The following SATL1 variants were observed in gnomAD, a reference collection of about 807,000 sequenced individuals.
SATL1 encodes spermidine/spermine N1-acetyl transferase like 1, also known as spermidine/spermine N(1)-acetyltransferase-like protein 1.
SATL1 carries 47 observed loss-of-function variants against 51.8 expected under a neutral mutation model. The observed-to-expected ratio is 0.91, with a 90% CI of 0.72 to 1.16. SATL1 has a LOEUF of 1.16. Ranked by LOEUF, SATL1 falls within the 50% of genes most tolerant of loss-of-function variation. The pLI is 0.00. For missense variants in SATL1, 520 were observed against 526.4 expected, an observed-to-expected ratio of 0.99 and a Z score of 0.12; for synonymous variants, 176 against 182.4, an observed-to-expected ratio of 0.97 and a Z score of 0.28.
chrX:85,148,877 G>A (rs765726334), intron 2 of SATL1, among the ~76,000 whole-genome samples: 48 of 110,890 alleles, frequency 4.3e-4, no homozygotes, highest in Non-Finnish European at 8.1e-4. Flanking sequence ...AATTGTAAAG[G>A]CCATCGAGAC....
intron 2 of SATL1, among the ~76,000 whole-genome samples, chrX:85,118,803 T>C (rs1431385802): frequency 2.7e-5 from 3 of 111,470 alleles, no homozygotes; most frequent in African/African-American, 9.8e-5. Context: ...GTAATACATA[T>C]GTTAATTAGC....
At chrX:85,096,739 T>C (rs189110439) in intron 4 of SATL1, among the ~76,000 whole-genome samples, 61 of 110,506 alleles carry the variant, frequency 5.5e-4, no homozygotes, top group African/African-American at 1.7e-3. Context: ...TGGATTGATA[T>C]TTAAAGTCTG....
chrX:85,092,614 G>A (rs1026868285), intron 7 of SATL1, 53 bp from the exon 8 acceptor site: 28 of 1,058,083 alleles, frequency 2.6e-5, no homozygotes, highest in Middle Eastern at 2.9e-4. Flanking sequence ...TATAATCTTC[G>A]TTAACACATA....
intron 1 of SATL1, among the ~76,000 whole-genome samples, chrX:85,228,685 T>C (rs767261041): frequency 8.9e-6 from 1 of 111,955 alleles, no homozygotes; most frequent in South Asian, 3.7e-4. Context: ...GTACATTCCA[T>C]GCAACTGGTC....
At chrX:85,166,941 A>G (rs78794520) in intron 2 of SATL1, among the ~76,000 whole-genome samples, 951 of 77,505 alleles carry the variant, frequency 0.012, 19 homozygotes, top group African/African-American at 0.037. Context: ...ATATATGTGT[A>G]TGTGTGTGTG....
At chrX:85,112,235 C>T (rs764804091) in intron 2 of SATL1, among the ~76,000 whole-genome samples, 1 of 110,567 alleles carries the variant, frequency 9.0e-6, no homozygotes, top group Non-Finnish European at 1.9e-5. Flanking sequence ...GCCTGTAATC[C>T]CAGCTACTCA....
intron 4 of SATL1, among the ~76,000 whole-genome samples, chrX:85,100,284 T>A (rs1478279587): frequency 8.9e-6 from 1 of 112,373 alleles, no homozygotes; most frequent in Admixed American, 9.4e-5. Context: ...CACAATTCTA[T>A]ATAGAGAAAA....
intron 2 of SATL1, among the ~76,000 whole-genome samples, chrX:85,204,758 G>A (rs1376592080): frequency 9.0e-6 from 1 of 111,524 alleles, no homozygotes; most frequent in African/African-American, 3.3e-5. Context: ...CTATTCATTC[G>A]CCAGATCTTA....
Position 85,109,265 on chromosome X carries a change from G to A in SATL1, c.-297C>T, listed in dbSNP as rs752138637. On this transcript the variant is annotated 5_prime_UTR_variant, in exon 3 of 8. Transcript: ENST00000644105. ...TGCAAGCTTGGCTGAGTTTCAGGTT[G>A]TCATCTGGCCTTTCCCTGCCAAAAG... The A allele has an allele frequency of 8.6e-6, 3 of 350,598 alleles. No individual in the cohort carries two copies. Among genetic ancestry groups the A allele is most frequent in the Non-Finnish European group, 1.5e-5 (3 of 202,068 alleles). 28.9% of individuals were successfully genotyped at this position (350,598 alleles called of 1,213,427 possible). A position where few individuals can be genotyped will look rare whatever the true frequency, so the allele number is the denominator to read the frequency against.
chrX:85,220,408 G>C (rs1286593982), intron 2 of SATL1, among the ~76,000 whole-genome samples: 7 of 108,631 alleles, frequency 6.4e-5, no homozygotes, highest in Non-Finnish European at 1.1e-4. Flanking sequence ...GACCTGCTGA[G>C]ACATCAGTGG....
At chrX:85,236,975 C>T (rs769508409) in intron 1 of SATL1, among the ~76,000 whole-genome samples, 43 of 111,072 alleles carry the variant, frequency 3.9e-4, no homozygotes, top group Non-Finnish European at 6.3e-4. Context: ...TTACGGGATA[C>T]GAAATCAGTA....
At chrX:85,230,687 C>T (rs1246026763) in intron 1 of SATL1, among the ~76,000 whole-genome samples, 5 of 112,003 alleles carry the variant, frequency 4.5e-5, no homozygotes, top group African/African-American at 1.6e-4. Context: ...ATCCAAAATA[C>T]ATAACAAACT....
At chrX:85,155,502 G>A (rs182041737) in intron 2 of SATL1, among the ~76,000 whole-genome samples, 161 of 111,837 alleles carry the variant, frequency 1.4e-3, no homozygotes, top group African/African-American at 5.1e-3. Context: ...GTATTGAGAA[G>A]CAAAAGTAAA....
chrX:85,213,007 C>T (rs770289854), intron 2 of SATL1: 1 of 111,659 alleles, frequency 9.0e-6, no homozygotes, highest in East Asian at 2.8e-4. Context: ...GACTCACTGT[C>T]ATTACTATTT....
intron 1 of SATL1, among the ~76,000 whole-genome samples, chrX:85,236,645 A>G (rs933349750): frequency 1.8e-5 from 2 of 111,738 alleles, no homozygotes; most frequent in African/African-American, 6.5e-5. Context: ...ACAATCCTTC[A>G]TGATAAAAAC....
chrX:85,167,431 A>G lies in SATL1; in HGVS notation c.-313+56774T>C, dbSNP rs1367090157. On this transcript the variant is annotated intron_variant, in intron 2 of 7. Transcript: ENST00000644105. ...TAATAAAATGGAAATAAAAATAAAC[A>G]TAATTAAAAATGACAAATGAGATAT... Among the ~76,000 whole-genome samples the G allele has an allele frequency of 2.7e-5, 3 of 111,334 alleles. No homozygotes were observed. In the East Asian group the frequency reaches 8.4e-4, roughly 31 times the overall value.
chrX:85,118,087 C>CGTTTTTTTTTTTTTTTTGTT (rs1925420613), intron 2 of SATL1, among the ~76,000 whole-genome samples: 1 of 46,171 alleles, frequency 2.2e-5, no homozygotes, highest in East Asian at 6.3e-4. Flanking sequence ...AAGAACTTAG[C>CGTTTTTTTTTTTTTTTTGTT]TTTTTTTTTT....
intron 6 of SATL1, 53 bp downstream of exon 6, chrX:85,094,075 G>A: frequency 1.5e-6 from 1 of 653,383 alleles, no homozygotes; most frequent in South Asian, 2.5e-5. Flanking sequence ...CTTAAAATAT[G>A]TCACTTTAAT....
rs1480617970 is a variant in SATL1, at chrX:85,107,830, A to T, written c.1139T>A (p.Val380Glu). The T allele has an allele frequency of 8.3e-7, 1 of 1,209,401 alleles. No individual in the cohort carries two copies. Among genetic ancestry groups the T allele is most frequent in the South Asian group, 1.8e-5 (1 of 56,851 alleles). Reference sequence around the variant, plus strand: ...CTGTCTCATGTCTAGTTGCCACATCACTGGTTGGCTTATACCTGATTGGTT... The same window carrying T: ...CTGTCTCATGTCTAGTTGCCACATCTCTGGTTGGCTTATACCTGATTGGTT... ...GTNQSGISQP[V>E]MWQLDMRQSG... Residue 380 changes from valine (V) to glutamate (E), a missense_variant, in exon 3 of 8, where the codon GTG becomes GAG. By Grantham distance (121) the Val-to-Glu change is moderately radical. Transcript: ENST00000644105.
Sources: allele counts gnomAD v4.1 joint callset (sites outside exome capture counted in the v4.1 genomes callset), GRCh38; gene constraint gnomAD v4.1.1; transcripts MANE v1.5; gene names NCBI Gene and HGNC (gene_info 2026-07-23, HGNC 2026-07-21).